The following PTPRD variants were observed in gnomAD, a reference collection of about 807,000 sequenced individuals.
The protein encoded by PTPRD is protein tyrosine phosphatase receptor type D.
Under a neutral mutation model 214.5 loss-of-function variants are expected in PTPRD, and 34 were observed. The observed-to-expected ratio is 0.16, with a 90% CI of 0.12 to 0.21. PTPRD has a LOEUF of 0.21. Among genes scored for constraint, PTPRD ranks in the 10% least tolerant of loss-of-function variants. PTPRD has a pLI of 1.00. For missense variants in PTPRD, 2,545 were observed against 2,398.7 expected, an observed-to-expected ratio of 1.06 and a Z score of -1.27; for synonymous variants, 1,128 against 845.7, an observed-to-expected ratio of 1.33 and a Z score of -5.79.
chr9:10,346,165 C>CA (rs965740824), intron 2 of PTPRD, among the ~76,000 whole-genome samples: 27 of 152,212 alleles, frequency 1.8e-4, no homozygotes, highest in African/African-American at 5.8e-4. Context: ...TAAATGTTTC[C>CA]ATGTAAAAAT....
intron 4 of PTPRD, among the ~76,000 whole-genome samples, chr9:9,947,363 T>TTA (rs1239966287): frequency 1.2e-4 from 5 of 43,032 alleles, no homozygotes; most frequent in Non-Finnish European, 1.5e-4. Flanking sequence ...ATTATATATA[T>TTA]TATATATATA....
At chr9:10,008,444 C>A (rs968491645) in intron 4 of PTPRD, among the ~76,000 whole-genome samples, 2 of 151,930 alleles carry the variant, frequency 1.3e-5, no homozygotes, top group South Asian at 4.1e-4. Context: ...CACATTTTGA[C>A]ATATAGAGCC....
chr9:9,248,877 A>T (rs2099974181), intron 9 of PTPRD, among the ~76,000 whole-genome samples: 1 of 152,040 alleles, frequency 6.6e-6, no homozygotes, highest in Non-Finnish European at 1.5e-5. Flanking sequence ...TTAACTGGAG[A>T]GATTTCTACT....
chr9:9,661,638 A>G (rs1594577591), intron 7 of PTPRD, among the ~76,000 whole-genome samples: 1 of 151,894 alleles, frequency 6.6e-6, no homozygotes, highest in Non-Finnish European at 1.5e-5. Flanking sequence ...CAAACAAAAA[A>G]GTATGTCTAA....
intron 7 of PTPRD, among the ~76,000 whole-genome samples, chr9:9,618,660 G>C (rs1229024316): frequency 6.6e-6 from 1 of 152,090 alleles, no homozygotes; most frequent in Admixed American, 6.6e-5. Flanking sequence ...ATTATCTTTG[G>C]GATGTGTTTA....
At chr9:9,592,320 A>C (rs1358120033) in intron 7 of PTPRD, among the ~76,000 whole-genome samples, 1 of 152,084 alleles carries the variant, frequency 6.6e-6, no homozygotes, top group Non-Finnish European at 1.5e-5. Flanking sequence ...AAATTCAAAC[A>C]AAACAAAAAT....
At chr9:9,786,222 A>G (rs1488787560) in intron 5 of PTPRD, among the ~76,000 whole-genome samples, 1 of 147,556 alleles carries the variant, frequency 6.8e-6, no homozygotes, top group Non-Finnish European at 1.5e-5. Context: ...TAAGATGATT[A>G]CATTTACCTG....
chr9:9,048,458 A>G (rs1224402554), intron 10 of PTPRD, among the ~76,000 whole-genome samples: 3 of 152,216 alleles, frequency 2.0e-5, no homozygotes, highest in African/African-American at 4.8e-5. Context: ...CACACAATGG[A>G]GTACTATTCA....
chr9:8,455,105 T>C (rs563848112), intron 33 of PTPRD, among the ~76,000 whole-genome samples: 3 of 152,298 alleles, frequency 2.0e-5, no homozygotes, highest in East Asian at 3.9e-4. Flanking sequence ...TACAGAAATT[T>C]GCACAATTGA....
chr9:10,531,678 G>A (rs1413505672), intron 2 of PTPRD, among the ~76,000 whole-genome samples: 1 of 152,146 alleles, frequency 6.6e-6, no homozygotes, highest in Non-Finnish European at 1.5e-5. Flanking sequence ...GTGTATGCAT[G>A]TATGCATTTT....
intron 11 of PTPRD, among the ~76,000 whole-genome samples, chr9:8,836,296 C>T (rs2097420479): frequency 6.6e-6 from 1 of 152,090 alleles, no homozygotes; most frequent in Admixed American, 6.5e-5. Context: ...ACAAAGCAAA[C>T]TACAAGATAT....
intron 3 of PTPRD, among the ~76,000 whole-genome samples, chr9:10,277,256 A>G (rs563838697): frequency 2.6e-5 from 4 of 152,226 alleles, no homozygotes; most frequent in South Asian, 2.1e-4. Flanking sequence ...TAAAAAAAAA[A>G]CAACAAACCC....
rs10125232 is a variant in PTPRD, at chr9:9,793,356, T to C, written c.-367-26505A>G. On this transcript the variant is annotated intron_variant, in intron 5 of 45. Coordinates refer to ENST00000381196, the MANE Select transcript of PTPRD (RefSeq NM_002839.4). ...TACGAAGACATAATCTTTTTTCATATCCAGAAACAAAAGTAAAACTCCTAC... is the reference window on the plus strand; with the variant it reads ...TACGAAGACATAATCTTTTTTCATACCCAGAAACAAAAGTAAAACTCCTAC... Among the ~76,000 whole-genome samples, 808 of 152,200 alleles carry C rather than the reference T, an allele frequency of 5.3e-3. 5 individuals are homozygous for C. The highest frequency in any genetic ancestry group is 0.019 in the African/African-American group (772 of 41,544).
chr9:8,580,208 A>G (rs539922930), intron 14 of PTPRD, among the ~76,000 whole-genome samples: 20 of 152,340 alleles, frequency 1.3e-4, no homozygotes, highest in African/African-American at 4.6e-4. Context: ...TGCCTTTGGA[A>G]AGATAAAGGA....
At chr9:9,905,156 T>C (rs1049287194) in intron 5 of PTPRD, among the ~76,000 whole-genome samples, 1 of 151,844 alleles carries the variant, frequency 6.6e-6, no homozygotes, top group Non-Finnish European at 1.5e-5. Context: ...GAACACGACA[T>C]TTTTTTTCAA....
chr9:8,613,998 G>A (rs2154293237), intron 14 of PTPRD, among the ~76,000 whole-genome samples: 1 of 151,676 alleles, frequency 6.6e-6, no homozygotes, highest in East Asian at 1.9e-4. Context: ...TCACATTATG[G>A]TAAGTCTGGG....
chr9:9,209,731 T>G (rs1485771212), intron 9 of PTPRD, among the ~76,000 whole-genome samples: 1 of 152,190 alleles, frequency 6.6e-6, no homozygotes, highest in Non-Finnish European at 1.5e-5. Context: ...ATTCTGTTGA[T>G]TTTTATAAGT....
chr9:8,734,358 G>A (rs142478134), intron 11 of PTPRD, among the ~76,000 whole-genome samples: 2 of 152,204 alleles, frequency 1.3e-5, no homozygotes, highest in Admixed American at 1.3e-4. Context: ...CTCCATGCAG[G>A]ATAAAAGTCT....
chr9:9,342,079 G>A (rs1301702262), intron 9 of PTPRD, among the ~76,000 whole-genome samples: 3 of 152,126 alleles, frequency 2.0e-5, no homozygotes, highest in African/African-American at 7.2e-5. Flanking sequence ...AAAGTGCTGG[G>A]ATTACAGGTG....
Sources: allele counts gnomAD v4.1 joint callset (sites outside exome capture counted in the v4.1 genomes callset), GRCh38; gene constraint gnomAD v4.1.1; transcripts MANE v1.5; gene names NCBI Gene and HGNC (gene_info 2026-07-23, HGNC 2026-07-21).